KCNK13: variants seen among roughly 807,000 people sequenced by gnomAD.
KCNK13 encodes the protein potassium two pore domain channel subfamily K member 13.
A neutral mutation model predicts 23.4 loss-of-function variants in KCNK13; 12 were observed. That is an observed-to-expected ratio of 0.51 (90% CI 0.33 to 0.83). The LOEUF (loss-of-function observed/expected upper bound fraction) is 0.83, where lower values mean the gene tolerates loss of function less well. KCNK13 is among the 40% of genes least tolerant of loss of function. The pLI, the probability that KCNK13 is intolerant of heterozygous loss-of-function variation, is 0.02. For synonymous variants in KCNK13, 231 were observed against 229.5 expected, an observed-to-expected ratio of 1.01 and a Z score of -0.06; for missense variants, 463 against 556.3, an observed-to-expected ratio of 0.83 and a Z score of 1.69.
At chr14:90,138,213 A>T (rs951497305) in intron 1 of KCNK13, among the ~76,000 whole-genome samples, 1 of 152,164 alleles carries the variant, frequency 6.6e-6, no homozygotes, top group African/African-American at 2.4e-5. Context: ...TCATTGTAAA[A>T]ATATATATAT....
chr14:90,078,618 A>AAGGC lies in KCNK13; in HGVS notation c.334+16097_334+16100dup, dbSNP rs534550197. Among the ~76,000 whole-genome samples, 587 of 151,610 alleles carry AAGGC rather than the reference A, an allele frequency of 3.9e-3. 5 individuals are homozygous for AAGGC. The highest frequency in any genetic ancestry group is 0.013 in the African/African-American group (539 of 41,356). ...AAAAGAGAAAGAAAGAGAGGGAGGG[A>AAGGC]AGGCAGGCAGGCAGGCAGGCATGCT... On this transcript the variant is annotated intron_variant, in intron 1 of 1. Transcript: ENST00000282146.
chr14:90,173,597 G>C (rs1248532093), intron 1 of KCNK13, among the ~76,000 whole-genome samples: 1 of 152,188 alleles, frequency 6.6e-6, no homozygotes. Flanking sequence ...TTTGAAATGG[G>C]GAGAAAGGAG....
At position 90,062,117 on chromosome 14, in the gene KCNK13, C is replaced by A; in HGVS notation, c.-89C>A. ...GTGGGGCGCCCGGGAGCTGGCTGAG[C>A]GCCGGGGCCCTTATTTCCCGGGGGT... On this transcript the variant is annotated 5_prime_UTR_variant, in exon 1 of 2. Transcript: ENST00000282146. This position sits in a 1 kb window ranked among gnomAD's most constrained non-coding sequence, Gnocchi z 4.5. 1.1e-6 allele frequency: 1 copy of A among 881,456 alleles called. No individual in the cohort carries two copies. The highest frequency in any genetic ancestry group is 1.5e-6 in the Non-Finnish European group (1 of 651,254). 54.6% of individuals were successfully genotyped at this position (881,456 alleles called of 1,614,324 possible). A position where few individuals can be genotyped will look rare whatever the true frequency, so the allele number is the denominator to read the frequency against.
chr14:90,136,889 A>G (rs1019444194), intron 1 of KCNK13, among the ~76,000 whole-genome samples: 6 of 152,182 alleles, frequency 3.9e-5, no homozygotes, highest in Admixed American at 1.3e-4. Flanking sequence ...GAAGGTCTTT[A>G]AAGTCTCAAG....
intron 1 of KCNK13, among the ~76,000 whole-genome samples, chr14:90,064,242 G>T (rs966973517): frequency 2.0e-5 from 3 of 152,098 alleles, no homozygotes; most frequent in Non-Finnish European, 2.9e-5. Flanking sequence ...GCAAGTACAG[G>T]ATTTTTTTAG....
intron 1 of KCNK13, among the ~76,000 whole-genome samples, chr14:90,133,070 C>G (rs74976278): frequency 0.099 from 15,053 of 152,216 alleles, 1,062 homozygotes; most frequent in Admixed American, 0.25. Context: ...GACCTGTCCT[C>G]TTCCTTGGCT....
In KCNK13 at chr14:90,062,160, G is replaced by A. The variant is rs981714634; in HGVS notation, c.-46G>A. ...CCGGGGGTGTGGGCGAGACTCCGCCGACGCCCGGTGCCGTGGGCCTGGGGG... is the reference window on the plus strand; with the variant it reads ...CCGGGGGTGTGGGCGAGACTCCGCCAACGCCCGGTGCCGTGGGCCTGGGGG... On this transcript the variant is annotated 5_prime_UTR_variant, in exon 1 of 2. Coordinates refer to ENST00000282146, the MANE Select transcript of KCNK13 (RefSeq NM_022054.4). This position sits in a 1 kb window ranked among gnomAD's most constrained non-coding sequence, Gnocchi z 4.5. 8.1e-7 allele frequency: 1 copy of A among 1,236,654 alleles called. No homozygotes were observed. Among genetic ancestry groups the A allele is most frequent in the Non-Finnish European group, 1.0e-6 (1 of 959,492 alleles). The allele number at this position is 1,236,654 out of a possible 1,614,324, so 76.6% of individuals were successfully genotyped here. A position where few individuals can be genotyped will look rare whatever the true frequency, so the allele number is the denominator to read the frequency against.
intron 1 of KCNK13, among the ~76,000 whole-genome samples, chr14:90,084,655 C>T (rs541686854): frequency 2.5e-4 from 38 of 152,268 alleles, no homozygotes; most frequent in Non-Finnish European, 5.1e-4. Context: ...CTAGAACTCC[C>T]ACTGCAATGT....
chr14:90,179,414 C>T (rs367925775), intron 1 of KCNK13, among the ~76,000 whole-genome samples: 2 of 152,162 alleles, frequency 1.3e-5, no homozygotes, highest in East Asian at 3.9e-4. Context: ...GCCTGCTCTT[C>T]ATGGGCTGAG....
At chr14:90,147,186 A>C (rs1272368448) in intron 1 of KCNK13, among the ~76,000 whole-genome samples, 1 of 152,190 alleles carries the variant, frequency 6.6e-6, no homozygotes, top group Non-Finnish European at 1.5e-5. Flanking sequence ...AGGAGGGTAT[A>C]TCTAGTTCCT....
At chr14:90,078,861 A>G (rs1889174456) in intron 1 of KCNK13, among the ~76,000 whole-genome samples, 1 of 152,220 alleles carries the variant, frequency 6.6e-6, no homozygotes, top group Non-Finnish European at 1.5e-5. Flanking sequence ...TGAGTTAGAG[A>G]AAGTCAGGCT....
chr14:90,125,263 G>A (rs1384794937), intron 1 of KCNK13, among the ~76,000 whole-genome samples: 5 of 148,352 alleles, frequency 3.4e-5, no homozygotes, highest in Admixed American at 1.4e-4. Context: ...TCACTCTGTC[G>A]CCGAGGCTGG....
chr14:90,139,394 C>T (rs1236189856), intron 1 of KCNK13, among the ~76,000 whole-genome samples: 6 of 151,852 alleles, frequency 4.0e-5, no homozygotes, highest in Admixed American at 3.9e-4. Context: ...CTGTGGTGGG[C>T]CAGCATAGCT....
In KCNK13 at chr14:90,184,512, A is replaced by C; in HGVS notation, c.736A>C (p.Ser246Arg). Residue 246 changes from serine (S) to arginine (R), a missense_variant, in exon 2 of 2, where the codon AGC becomes CGC. By Grantham distance (110) the Ser-to-Arg change is moderately radical (BLOSUM62 -1). This residue lies in a region of KCNK13 where 144 missense variants were observed against 224.0 expected (regional missense o/e 0.64). Coordinates refer to ENST00000282146, the MANE Select transcript of KCNK13 (RefSeq NM_022054.4). This position sits in a 1 kb window ranked among gnomAD's most constrained non-coding sequence, Gnocchi z 5.6. ...STIGFGDLVS[S>R]QNAHYESQGL... Reference sequence around the variant, plus strand: ...CATTGGCTTTGGGGACCTGGTCAGCAGCCAGAACGCCCACTATGAGAGCCA... The same window carrying C: ...CATTGGCTTTGGGGACCTGGTCAGCCGCCAGAACGCCCACTATGAGAGCCA... 1.2e-6 allele frequency: 2 copies of C among 1,614,260 alleles called. No homozygotes were observed. Among genetic ancestry groups the C allele is most frequent in the Non-Finnish European group, 1.7e-6 (2 of 1,180,042 alleles).
intron 1 of KCNK13, among the ~76,000 whole-genome samples, chr14:90,086,557 T>TTAAA (rs1408473276): frequency 6.6e-6 from 1 of 152,202 alleles, no homozygotes; most frequent in Non-Finnish European, 1.5e-5. Flanking sequence ...GTTTTTGTGT[T>TTAAA]TTATTTGATG....
intron 1 of KCNK13, among the ~76,000 whole-genome samples, chr14:90,133,965 C>T (rs1289822189): frequency 2.0e-5 from 3 of 152,166 alleles, no homozygotes; most frequent in African/African-American, 7.2e-5. Flanking sequence ...TCCATATTCC[C>T]AGGGCCTACC....
intron 1 of KCNK13, among the ~76,000 whole-genome samples, chr14:90,087,129 CATATAT>C (rs141670518): frequency 1.2e-3 from 152 of 124,654 alleles, no homozygotes; most frequent in African/African-American, 2.5e-3. Context: ...TATATATATA[CATATAT>C]ATATATATAT....
chr14:90,140,681 A>T (rs17223894), intron 1 of KCNK13, among the ~76,000 whole-genome samples: 15,140 of 152,254 alleles, frequency 0.099, 1,059 homozygotes, highest in Admixed American at 0.24. Context: ...AAGATTAGTC[A>T]TGCCCCGTAG....
chr14:90,166,470 C>T (rs1453625186), intron 1 of KCNK13, among the ~76,000 whole-genome samples: 9 of 152,184 alleles, frequency 5.9e-5, no homozygotes, highest in Admixed American at 5.9e-4. Flanking sequence ...CTTTGGGGTG[C>T]TAAGGCGGGC....
Sources: allele counts gnomAD v4.1 joint callset (sites outside exome capture counted in the v4.1 genomes callset), GRCh38; gene constraint gnomAD v4.1.1; regional missense constraint gnomAD v4.1.1; non-coding constraint Gnocchi (gnomAD v3.1); transcripts MANE v1.5; gene names NCBI Gene and HGNC (gene_info 2026-07-23, HGNC 2026-07-21).